The following SEL1L3 variants were observed in gnomAD, a reference collection of about 807,000 sequenced individuals.
The protein encoded by SEL1L3 is SEL1L family member 3.
In SEL1L3, 76 loss-of-function variants were observed where a neutral mutation model predicts 142.8. The ratio of observed to expected loss-of-function variants is 0.53; its 90% CI spans 0.44 to 0.64. The LOEUF (loss-of-function observed/expected upper bound fraction) is 0.64. Among genes scored for constraint, SEL1L3 ranks in the 30% least tolerant of loss-of-function variants. The pLI, the probability that SEL1L3 is intolerant of heterozygous loss-of-function variation, is 0.00. For synonymous variants in SEL1L3, 504 were observed against 519.6 expected (o/e 0.97, Z 0.41); for missense variants, 1,262 against 1,381.7 (o/e 0.91, Z 1.37).
chr4:25,779,826 T>C (rs1719878602), intron 15 of SEL1L3, among the ~76,000 whole-genome samples: 1 of 152,202 alleles, frequency 6.6e-6, no homozygotes, highest in Non-Finnish European at 1.5e-5. Flanking sequence ...GCATGGGTGT[T>C]GAAGTTAGGC....
intron 23 of SEL1L3, among the ~76,000 whole-genome samples, chr4:25,750,272 C>CCAGCCA (rs1326434500): frequency 6.6e-6 from 1 of 151,690 alleles, no homozygotes; most frequent in Non-Finnish European, 1.5e-5. Flanking sequence ...AAAAAGAAAC[C>CCAGCCA]CAGCCACAAT....
At chr4:25,793,872 G>GATTAA (rs1712529949) in intron 11 of SEL1L3, among the ~76,000 whole-genome samples, 1 of 152,120 alleles carries the variant, frequency 6.6e-6, no homozygotes, top group Non-Finnish European at 1.5e-5. Flanking sequence ...ACCTCATAAG[G>GATTAA]TTGCATGAGG....
At chr4:25,778,628 T>C (rs2109163066) in intron 16 of SEL1L3, among the ~76,000 whole-genome samples, 1 of 152,230 alleles carries the variant, frequency 6.6e-6, no homozygotes, top group South Asian at 2.1e-4. Context: ...GCAGGAAGTA[T>C]GAGTGAGCTG....
At chr4:25,847,048 C>T (rs1716563638) in intron 2 of SEL1L3, among the ~76,000 whole-genome samples, 1 of 151,892 alleles carries the variant, frequency 6.6e-6, no homozygotes, top group Admixed American at 6.6e-5. Context: ...TCTCAAAGTC[C>T]ACCTTCCTCA....
chr4:25,755,193 C>T (rs1717870187), intron 23 of SEL1L3, among the ~76,000 whole-genome samples: 2 of 152,124 alleles, frequency 1.3e-5, no homozygotes. Flanking sequence ...AAAAAATTCT[C>T]CTGCCTCAGC....
At chr4:25,756,642 A>G in intron 23 of SEL1L3, 1 of 1,006,954 alleles carries the variant, frequency 9.9e-7, no homozygotes, top group Non-Finnish European at 1.2e-6. Context: ...AAGCCCAAAC[A>G]GAAGCAAGCA....
intron 9 of SEL1L3, among the ~76,000 whole-genome samples, chr4:25,816,731 G>A (rs1274779929): frequency 6.6e-6 from 1 of 152,064 alleles, no homozygotes; most frequent in Non-Finnish European, 1.5e-5. Context: ...TGGTGTCTGA[G>A]CTCTCGTTGG....
chr4:25,771,049 C>T (rs1460094172), intron 17 of SEL1L3, among the ~76,000 whole-genome samples: 1 of 152,258 alleles, frequency 6.6e-6, no homozygotes, highest in African/African-American at 2.4e-5. Context: ...CTGCAGAAAC[C>T]CTGACCATAT....
chr4:25,770,086 C>A (rs1425699744), intron 17 of SEL1L3, among the ~76,000 whole-genome samples: 1 of 152,056 alleles, frequency 6.6e-6, no homozygotes, highest in African/African-American at 2.4e-5. Flanking sequence ...CGAGACTGTG[C>A]AACTGCACTG....
In SEL1L3 at chr4:25,782,356, G is replaced by A; in HGVS notation, c.2343C>T (p.Ala781=). The A allele has an allele frequency of 6.2e-7, 1 of 1,613,842 alleles. No homozygotes were observed. The highest frequency in any genetic ancestry group is 1.7e-5 in the Admixed American group (1 of 60,022). ...CTTTTAACCAGTACTTTGCTGCTTTGGCGTAATTTTTCTTGAATTTGTGGT... is the reference window on the plus strand; with the variant it reads ...CTTTTAACCAGTACTTTGCTGCTTTAGCGTAATTTTTCTTGAATTTGTGGT... ...WYYHKFKKNY[A]KAAKYWLKAE... The change falls in exon 15 of 24, where the codon GCC becomes GCT. Residue 781 remains alanine, a synonymous_variant. Transcript: ENST00000399878.
At chr4:25,815,226 T>C (rs963654308) in intron 9 of SEL1L3, among the ~76,000 whole-genome samples, 6 of 152,138 alleles carry the variant, frequency 3.9e-5, no homozygotes, top group Admixed American at 1.3e-4. Context: ...GGCAGGTTAG[T>C]CATGAACGGT....
chr4:25,775,024 C>T (rs940163822), intron 17 of SEL1L3, among the ~76,000 whole-genome samples: 1 of 152,142 alleles, frequency 6.6e-6, no homozygotes, highest in African/African-American at 2.4e-5. Flanking sequence ...ATGTTTAGTT[C>T]ATCCTAAGAA....
intron 2 of SEL1L3, among the ~76,000 whole-genome samples, chr4:25,846,533 A>G (rs1716522273): frequency 6.6e-6 from 1 of 152,148 alleles, no homozygotes. Context: ...GCCAGAGGTT[A>G]CCATTCTGTG....
chr4:25,844,441 G>A (rs932079648), intron 2 of SEL1L3, among the ~76,000 whole-genome samples: 6 of 152,168 alleles, frequency 3.9e-5, no homozygotes, highest in African/African-American at 1.2e-4. Context: ...TTTTCTCTGC[G>A]TTATGGTTTA....
intron 9 of SEL1L3, 105 bp downstream of exon 9, chr4:25,818,033 T>A: frequency 8.2e-7 from 1 of 1,223,550 alleles, no homozygotes; most frequent in Non-Finnish European, 1.1e-6. Context: ...ACACTAGGGT[T>A]AAAAATAACT....
intron 23 of SEL1L3, chr4:25,756,337 C>T (rs1024817066): frequency 1.0e-6 from 1 of 985,222 alleles, no homozygotes; most frequent in South Asian, 4.7e-5. Flanking sequence ...AATGACACGA[C>T]TGGGGCCTTC....
At chr4:25,753,809 G>A (rs1311483296) in intron 23 of SEL1L3, among the ~76,000 whole-genome samples, 3 of 151,504 alleles carry the variant, frequency 2.0e-5, no homozygotes, top group Admixed American at 2.0e-4. Flanking sequence ...CATGGCGAAA[G>A]CCCATCTCTA....
the SEL1L3 span, among the ~76,000 whole-genome samples, chr4:25,735,608 A>G: frequency 6.6e-6 from 1 of 151,544 alleles, no homozygotes; most frequent in Non-Finnish European, 1.5e-5. Context: ...TGGACGTTGT[A>G]TCATTGATTT....
At chr4:25,812,222 CCACACTCCT>C (rs1560322359) in intron 9 of SEL1L3, among the ~76,000 whole-genome samples, 2 of 152,164 alleles carry the variant, frequency 1.3e-5, no homozygotes, top group Non-Finnish European at 2.9e-5. Flanking sequence ...CCTCATCCAC[CCACACTCCT>C]CAGTTTGCCT....
Sources: gnomAD v4.1 joint callset for allele counts (sites outside exome capture counted in the v4.1 genomes callset) on GRCh38, gnomAD v4.1.1 for gene constraint, MANE v1.5 for transcripts, NCBI Gene and HGNC (gene_info 2026-07-23, HGNC 2026-07-21) for gene names.